MAGI2: variants seen among roughly 807,000 people sequenced by gnomAD.
The protein encoded by MAGI2 is membrane-associated guanylate kinase, WW and PDZ domain-containing protein 2.
A neutral mutation model predicts 133.3 loss-of-function variants in MAGI2; 35 were observed. That is an observed-to-expected ratio of 0.26 (90% CI 0.20 to 0.35). MAGI2 has a LOEUF of 0.35. Ranked by LOEUF, MAGI2 falls within the 10% of genes least tolerant of loss-of-function variation. The pLI is 1.00. For synonymous variants in MAGI2, 729 were observed against 710.6 expected, an observed-to-expected ratio of 1.03 and a Z score of -0.41; for missense variants, 1,636 against 1,863.4, an observed-to-expected ratio of 0.88 and a Z score of 2.25.
intron 1 of MAGI2, chr7:79,125,302 C>A: frequency 2.2e-6 from 1 of 460,134 alleles, no homozygotes; most frequent in Admixed American, 2.5e-5. Context: ...GCTAGTGCTT[C>A]ATCTAGCCAG....
chr7:79,383,269 C>G (rs1220153461), intron 1 of MAGI2, among the ~76,000 whole-genome samples: 1 of 151,558 alleles, frequency 6.6e-6, no homozygotes, highest in African/African-American at 2.4e-5. Flanking sequence ...TGCTTTACTT[C>G]ACTCTCTTAG....
intron 1 of MAGI2, among the ~76,000 whole-genome samples, chr7:79,450,442 G>T (rs1225506783): frequency 6.6e-6 from 1 of 152,118 alleles, no homozygotes; most frequent in Non-Finnish European, 1.5e-5. Flanking sequence ...ATATACAAGA[G>T]AATTAATTAT....
chr7:78,437,166 C>T (rs1019983919), intron 6 of MAGI2, among the ~76,000 whole-genome samples: 1 of 152,098 alleles, frequency 6.6e-6, no homozygotes, highest in Non-Finnish European at 1.5e-5. Flanking sequence ...AGAACATTCT[C>T]GTGGTGCTCA....
At chr7:79,224,400 GT>G (rs1409783852) in intron 1 of MAGI2, among the ~76,000 whole-genome samples, 1 of 151,940 alleles carries the variant, frequency 6.6e-6, no homozygotes, top group Non-Finnish European at 1.5e-5. Context: ...ATGCTAAACA[GT>G]GAGTACTTTA....
chr7:78,376,250 A>T (rs1269930064), intron 6 of MAGI2, among the ~76,000 whole-genome samples: 1 of 152,076 alleles, frequency 6.6e-6, no homozygotes, highest in Non-Finnish European at 1.5e-5. Context: ...AAATTAAAAA[A>T]CCTAAAACTG....
intron 2 of MAGI2, among the ~76,000 whole-genome samples, chr7:78,745,183 T>C (rs991596578): frequency 6.6e-6 from 1 of 152,196 alleles, no homozygotes; most frequent in Non-Finnish European, 1.5e-5. Context: ...ATAACAATCC[T>C]ATTGGTTTGT....
chr7:79,077,328 C>G (rs1026921724), intron 1 of MAGI2, among the ~76,000 whole-genome samples: 1 of 151,630 alleles, frequency 6.6e-6, no homozygotes, highest in Admixed American at 6.6e-5. Flanking sequence ...AAGGCCGAGG[C>G]GGGCGGATCA....
At chr7:78,324,163 T>TAC (rs766935511) in intron 9 of MAGI2, among the ~76,000 whole-genome samples, 7,798 of 121,138 alleles carry the variant, frequency 0.064, 246 homozygotes, top group South Asian at 0.13. Context: ...CACACTACAC[T>TAC]ACACTACACA....
rs1471329130 is a variant in MAGI2, at chr7:78,334,514, G to T, written c.1408+9264C>A. On this transcript the variant is annotated intron_variant, in intron 9 of 21. Coordinates refer to ENST00000354212, the MANE Select transcript of MAGI2 (RefSeq NM_012301.4). ...AAGAAAGATAAATGTAAAGATTAGG[G>T]TTTTTTCTGTTGGATAGAAGCCCAT... Among the ~76,000 whole-genome samples, 18 of 152,154 alleles carry T rather than the reference G, an allele frequency of 1.2e-4. No homozygotes were observed. The East Asian group carries it at 3.5e-3, about 29-fold the overall frequency.
intron 2 of MAGI2, among the ~76,000 whole-genome samples, chr7:78,940,241 T>G (rs1800860417): frequency 2.0e-5 from 3 of 152,166 alleles, no homozygotes; most frequent in Non-Finnish European, 4.4e-5. Context: ...GTGTAGAATT[T>G]AGAATGACAG....
At chr7:78,885,628 A>AGTGTGTGTGTGTGTGTGTGTGTGT (rs61111430) in intron 2 of MAGI2, among the ~76,000 whole-genome samples, 29 of 148,858 alleles carry the variant, frequency 1.9e-4, no homozygotes, top group Admixed American at 1.4e-3. Flanking sequence ...TGAAAGGAAT[A>AGTGTGTGTGTGTGTGTGTGTGTGT]GTGTGTGTGT....
chr7:78,385,226 C>T (rs957875986), intron 6 of MAGI2, among the ~76,000 whole-genome samples: 1 of 152,094 alleles, frequency 6.6e-6, no homozygotes, highest in Admixed American at 6.6e-5. Context: ...TACTGATTGT[C>T]AACGTGATTT....
At chr7:78,866,430 G>T (rs978767767) in intron 2 of MAGI2, among the ~76,000 whole-genome samples, 5 of 152,034 alleles carry the variant, frequency 3.3e-5, no homozygotes, top group Admixed American at 1.3e-4. Flanking sequence ...ATTTATGGGT[G>T]GGGGAGGGAA....
chr7:79,444,294 G>C (rs1327617059), intron 1 of MAGI2, among the ~76,000 whole-genome samples: 3 of 152,110 alleles, frequency 2.0e-5, no homozygotes, highest in Admixed American at 2.0e-4. Context: ...ATTCAACATA[G>C]TGTTGGAAGT....
intron 1 of MAGI2, among the ~76,000 whole-genome samples, chr7:79,351,484 T>C (rs1841688628): frequency 1.3e-5 from 2 of 152,178 alleles, no homozygotes; most frequent in African/African-American, 4.8e-5. Context: ...TTGCTTCATA[T>C]TTTATGCATG....
chr7:78,449,051 A>G (rs1215437870), intron 6 of MAGI2, among the ~76,000 whole-genome samples: 1 of 152,074 alleles, frequency 6.6e-6, no homozygotes, highest in African/African-American at 2.4e-5. Flanking sequence ...GAGATATTAG[A>G]CATAAAACAT....
chr7:79,269,543 AT>A (rs1011373731), intron 1 of MAGI2, among the ~76,000 whole-genome samples: 1 of 152,220 alleles, frequency 6.6e-6, no homozygotes, highest in Non-Finnish European at 1.5e-5. Flanking sequence ...CCTTTTCAAA[AT>A]AAAAATCAAT....
chr7:78,973,658 T>C (rs1411344097), intron 2 of MAGI2, among the ~76,000 whole-genome samples: 4 of 151,860 alleles, frequency 2.6e-5, no homozygotes, highest in Non-Finnish European at 5.9e-5. Flanking sequence ...GTTGTCTTTC[T>C]TTCCTTTTCC....
intron 2 of MAGI2, among the ~76,000 whole-genome samples, chr7:78,929,570 G>A (rs149530376): frequency 6.6e-6 from 1 of 152,102 alleles, no homozygotes; most frequent in East Asian, 1.9e-4. Flanking sequence ...GTGGCTGCCT[G>A]TATTTGCTGA....
Sources: allele counts gnomAD v4.1 joint callset (sites outside exome capture counted in the v4.1 genomes callset), GRCh38; gene constraint gnomAD v4.1.1; transcripts MANE v1.5; gene names NCBI Gene and HGNC (gene_info 2026-07-23, HGNC 2026-07-21).